The following PCGF5 variants were observed in gnomAD, a reference collection of about 807,000 sequenced individuals.
The protein encoded by PCGF5 is polycomb group RING finger protein 5.
In PCGF5, 9 loss-of-function variants were observed where a neutral mutation model predicts 44.3. The ratio of observed to expected loss-of-function variants is 0.20; its 90% confidence interval spans 0.12 to 0.35. The LOEUF (loss-of-function observed/expected upper bound fraction) is 0.35, where lower values mean the gene tolerates loss of function less well. Among genes scored for constraint, PCGF5 ranks in the 10% least tolerant of loss-of-function variants. The probability of loss-of-function intolerance (pLI) is 1.00; values close to 1 mark genes in which losing one functional copy is unlikely to be tolerated. For missense variants in PCGF5, 146 were observed against 305.3 expected (o/e 0.48, Z 3.89); for synonymous variants, 95 against 102.5 (o/e 0.93, Z 0.44).
At chr10:91,200,416 G>A (rs552482987) in intron 1 of PCGF5, among the ~76,000 whole-genome samples, 1 of 152,216 alleles carries the variant, frequency 6.6e-6, no homozygotes, top group Non-Finnish European at 1.5e-5. Context: ...AGAAAGAACA[G>A]GGGATGTAGC....
intron 1 of PCGF5, among the ~76,000 whole-genome samples, chr10:91,169,057 C>T (rs971208425): frequency 6.6e-6 from 1 of 150,520 alleles, no homozygotes; most frequent in East Asian, 2.0e-4. Context: ...AATTAATACA[C>T]TAGGCTCTCC....
intron 1 of PCGF5, among the ~76,000 whole-genome samples, chr10:91,189,057 C>T (rs1240650882): frequency 6.6e-6 from 1 of 152,202 alleles, no homozygotes; most frequent in Non-Finnish European, 1.5e-5. Flanking sequence ...CATGTGGCTG[C>T]AGGAATACAG....
intron 1 of PCGF5, among the ~76,000 whole-genome samples, chr10:91,170,696 C>G (rs561595746): frequency 1.3e-5 from 2 of 152,304 alleles, no homozygotes; most frequent in South Asian, 2.1e-4. Context: ...TGGAAGACAG[C>G]TTGGTGGTTT....
intron 1 of PCGF5, among the ~76,000 whole-genome samples, chr10:91,211,772 G>T (rs1435897833): frequency 6.6e-6 from 1 of 152,194 alleles, no homozygotes; most frequent in African/African-American, 2.4e-5. Context: ...TTCACACTGT[G>T]TTCAAGGGAT....
At chr10:91,273,415 A>G (rs898602923) in intron 9 of PCGF5, among the ~76,000 whole-genome samples, 5 of 152,218 alleles carry the variant, frequency 3.3e-5, no homozygotes, top group Non-Finnish European at 5.9e-5. Context: ...TCCTTAAACC[A>G]TGATCCAAAG....
At chr10:91,219,347 C>T (rs780257534), upstream of PCGF5, among the ~76,000 whole-genome samples, 4 of 152,164 alleles carry the variant, frequency 2.6e-5, no homozygotes, top group Non-Finnish European at 5.9e-5. Flanking sequence ...TCTTTTAAAA[C>T]ATATTTAAAA....
chr10:91,273,859 C>A (rs947070033), intron 9 of PCGF5, among the ~76,000 whole-genome samples: 7 of 149,576 alleles, frequency 4.7e-5, no homozygotes, highest in Admixed American at 4.0e-4. Flanking sequence ...ATATTTTATA[C>A]ATTTTATATA....
chr10:91,206,739 T>C (rs1390765302), intron 1 of PCGF5, among the ~76,000 whole-genome samples: 1 of 152,168 alleles, frequency 6.6e-6, no homozygotes, highest in African/African-American at 2.4e-5. Context: ...TCTCTGTTGC[T>C]ATCTGCACCT....
At chr10:91,160,640 G>T (rs558685551), upstream of PCGF5, among the ~76,000 whole-genome samples, 3 of 152,084 alleles carry the variant, frequency 2.0e-5, no homozygotes, top group Non-Finnish European at 2.9e-5. Context: ...GAGACTCTGG[G>T]GGGGAAAAGA....
chr10:91,233,343 C>A (rs955138927), intron 2 of PCGF5, among the ~76,000 whole-genome samples: 7 of 152,098 alleles, frequency 4.6e-5, no homozygotes, highest in Non-Finnish European at 7.4e-5. Flanking sequence ...CATGCTTAAA[C>A]CCCCAGACTC....
At chr10:91,254,203 C>CGTGTGTGTGTGTGT (rs148669111) in intron 6 of PCGF5, among the ~76,000 whole-genome samples, 41 of 148,044 alleles carry the variant, frequency 2.8e-4, no homozygotes, top group African/African-American at 7.7e-4. Context: ...CCCTCCACCT[C>CGTGTGTGTGTGTGT]GTGTGTGTGT....
intron 1 of PCGF5, among the ~76,000 whole-genome samples, chr10:91,169,766 G>A (rs10736061): frequency 0.75 from 113,422 of 152,160 alleles, 43,433 homozygotes; most frequent in African/African-American, 0.93. Context: ...GTAGATATTG[G>A]CAAACTGACT....
chr10:91,268,914 AT>A (rs1846109797), intron 8 of PCGF5, among the ~76,000 whole-genome samples: 1 of 151,766 alleles, frequency 6.6e-6, no homozygotes, highest in Admixed American at 6.6e-5. Context: ...AGCTCGTAAA[AT>A]TTTTTCAGTT....
intron 8 of PCGF5, 126 bp from the exon 9 acceptor site, chr10:91,271,512 A>G: frequency 1.5e-6 from 1 of 659,786 alleles, no homozygotes; most frequent in Non-Finnish European, 2.4e-6. Context: ...ATTTTTTTGG[A>G]AAGTGTTTAT....
At chr10:91,277,246 G>A (rs551712975) in intron 9 of PCGF5, among the ~76,000 whole-genome samples, 1 of 152,146 alleles carries the variant, frequency 6.6e-6, no homozygotes, top group African/African-American at 2.4e-5. Flanking sequence ...TCATTTTCAG[G>A]ATTGTTAAAT....
chr10:91,232,207 G>C (rs1000597527), intron 2 of PCGF5, among the ~76,000 whole-genome samples: 4 of 152,186 alleles, frequency 2.6e-5, no homozygotes, highest in African/African-American at 9.7e-5. Flanking sequence ...TAGATTCCTA[G>C]ATTTAGCAAT....
chr10:91,226,101 A>C (rs1844827842), intron 2 of PCGF5, among the ~76,000 whole-genome samples: 1 of 152,074 alleles, frequency 6.6e-6, no homozygotes. Flanking sequence ...TGCTACAAAG[A>C]ATGAGTTAAG....
chr10:91,250,401 C>T (rs1296931487), intron 5 of PCGF5, among the ~76,000 whole-genome samples: 1 of 151,820 alleles, frequency 6.6e-6, no homozygotes, highest in African/African-American at 2.4e-5. Context: ...TGGAAATCGT[C>T]CCTGCTTCAC....
chr10:91,251,132 G>T (rs1399961992), intron 5 of PCGF5, among the ~76,000 whole-genome samples, 160 bp from the exon 6 acceptor site: 3 of 145,836 alleles, frequency 2.1e-5, no homozygotes, highest in African/African-American at 2.5e-5. Context: ...TATTTCCATT[G>T]CTGAGTTGGT....
Sources: allele counts gnomAD v4.1 joint callset (sites outside exome capture counted in the v4.1 genomes callset), GRCh38; gene constraint gnomAD v4.1.1; transcripts MANE v1.5; gene names NCBI Gene and HGNC (gene_info 2026-07-23, HGNC 2026-07-21).